GNAI1: variants seen among roughly 807,000 people sequenced by gnomAD.
The protein encoded by GNAI1 is guanine nucleotide-binding protein G(i) subunit alpha-1.
GNAI1 carries 11 observed loss-of-function variants against 38.9 expected under a neutral mutation model. The ratio of observed to expected loss-of-function variants is 0.28; its 90% CI spans 0.18 to 0.47. The LOEUF (loss-of-function observed/expected upper bound fraction) is 0.47. GNAI1 is among the 20% of genes least tolerant of loss of function. The pLI is 0.99. For missense variants in GNAI1, 317 were observed against 436.9 expected, an observed-to-expected ratio of 0.73 and a Z score of 2.45; for synonymous variants, 166 against 145.1, an observed-to-expected ratio of 1.14 and a Z score of -1.04.
chr7:80,139,991 T>C (rs1372734850), intron 1 of GNAI1, among the ~76,000 whole-genome samples: 1 of 150,690 alleles, frequency 6.6e-6, no homozygotes, highest in Non-Finnish European at 1.5e-5. Flanking sequence ...TTTTTTTTTT[T>C]TTCCTTTTTT....
chr7:80,201,117 AT>A, intron 4 of GNAI1, among the ~76,000 whole-genome samples: 1 of 152,350 alleles, frequency 6.6e-6, no homozygotes, highest in Non-Finnish European at 1.5e-5. Context: ...TAATGAATGA[AT>A]TCATAAACCA....
intron 1 of GNAI1, among the ~76,000 whole-genome samples, chr7:80,140,174 C>T (rs980912837): frequency 2.6e-5 from 4 of 151,964 alleles, no homozygotes; most frequent in African/African-American, 7.2e-5. Context: ...GTAGTAGAGA[C>T]GGGGTTTCAC....
intron 5 of GNAI1, among the ~76,000 whole-genome samples, chr7:80,206,073 T>C (rs1339834355): frequency 6.6e-6 from 1 of 152,116 alleles, no homozygotes; most frequent in African/African-American, 2.4e-5. Flanking sequence ...CACTGTTAAA[T>C]TATATGCAAC....
At chr7:80,183,823 G>C (rs2115611876) in intron 1 of GNAI1, among the ~76,000 whole-genome samples, 1 of 152,180 alleles carries the variant, frequency 6.6e-6, no homozygotes, top group East Asian at 1.9e-4. Context: ...TCTAGCAAAG[G>C]GTTACCTTAT....
chr7:80,148,597 C>T (rs916989081), intron 1 of GNAI1, among the ~76,000 whole-genome samples: 4 of 151,962 alleles, frequency 2.6e-5, no homozygotes, highest in Middle Eastern at 3.5e-3. Flanking sequence ...AGCAACTTAA[C>T]TTTTAAAAAT....
rs1354764009 is a variant in GNAI1 at position 80,203,618 on chromosome 7, A to T, written c.462-86A>T. 8.9e-6 allele frequency: 7 copies of T among 785,220 alleles called. No homozygotes were observed. The Admixed American group carries it at 1.4e-4, about 16-fold the overall frequency. The allele number at this position is 785,220 out of a possible 1,614,324, so 48.6% of individuals were successfully genotyped here. A position where few individuals can be genotyped will look rare whatever the true frequency, so the allele number is the denominator to read the frequency against. On this transcript the variant is annotated intron_variant, in intron 4 of 7. Coordinates refer to ENST00000649796, the MANE Select transcript of GNAI1 (RefSeq NM_002069.6). ...TTAGTGATTTCAGATTATCGCTTGT[A>T]TTGAAATGTGTTTTAATTTTTGTTT... is the stretch of plus-strand genomic sequence containing the variant.
At chr7:80,216,231 A>G (rs909052189) in intron 7 of GNAI1, among the ~76,000 whole-genome samples, 1 of 150,960 alleles carries the variant, frequency 6.6e-6, no homozygotes, top group Non-Finnish European at 1.5e-5. Context: ...TTAATGTACC[A>G]GTATCCACCA....
At chr7:80,142,470 T>G (rs2116075087) in intron 1 of GNAI1, among the ~76,000 whole-genome samples, 1 of 152,304 alleles carries the variant, frequency 6.6e-6, no homozygotes, top group East Asian at 1.9e-4. Flanking sequence ...TCGTCTCCCT[T>G]CCTACTAATA....
At chr7:80,173,396 C>A (rs1286694437) in intron 1 of GNAI1, among the ~76,000 whole-genome samples, 1 of 152,082 alleles carries the variant, frequency 6.6e-6, no homozygotes, top group Admixed American at 6.5e-5. Context: ...TTAATTTATC[C>A]TGTACACAGC....
intron 1 of GNAI1, among the ~76,000 whole-genome samples, chr7:80,137,303 TTTTC>T (rs1562819546): frequency 2.8e-5 from 1 of 35,568 alleles, no homozygotes; most frequent in African/African-American, 6.3e-5. Context: ...CTTTTTTTTT[TTTTC>T]TTTTCTTTTC....
At chr7:80,202,370 C>A (rs1035003870) in intron 4 of GNAI1, among the ~76,000 whole-genome samples, 3 of 152,094 alleles carry the variant, frequency 2.0e-5, no homozygotes, top group African/African-American at 4.8e-5. Flanking sequence ...TTACAGGCGC[C>A]AGCCACCACG....
rs561725866 is a variant in GNAI1 at position 80,152,391 on chromosome 7, A to G, written c.118+17113A>G. On this transcript the variant is annotated intron_variant, in intron 1 of 7. Coordinates refer to ENST00000649796, the MANE Select transcript of GNAI1 (RefSeq NM_002069.6). ...TTATGTTGCAAGAATTAATAACTAC[A>G]ACACCATTATTAACTGATATACCCA... 3.2e-4 allele frequency among the ~76,000 whole-genome samples: 48 copies of G among 152,308 alleles called. No homozygotes were observed. In the South Asian group the frequency reaches 9.7e-3, roughly 31 times the overall value.
Position 80,220,334 on chromosome 7 carries a change from T to C in GNAI1, c.*2841T>C, listed in dbSNP as rs117189388. Reference sequence around the variant, plus strand: ...TTTTATTAGCACTTTTAAAATGGTGTGTAAAATGTATTGGCACTTTTAAAT... The same window carrying C: ...TTTTATTAGCACTTTTAAAATGGTGCGTAAAATGTATTGGCACTTTTAAAT... On this transcript the variant is annotated 3_prime_UTR_variant, in exon 8 of 8. Coordinates refer to ENST00000649796, the MANE Select transcript of GNAI1 (RefSeq NM_002069.6). Among the ~76,000 whole-genome samples the C allele has an allele frequency of 8.8e-4, 134 of 152,368 alleles. No individual in the cohort carries two copies. In the East Asian group the frequency reaches 0.022, roughly 25 times the overall value.
chr7:80,148,140 T>G (rs1787660230), intron 1 of GNAI1, among the ~76,000 whole-genome samples: 1 of 152,318 alleles, frequency 6.6e-6, no homozygotes, highest in East Asian at 1.9e-4. Flanking sequence ...GAATGCAGTT[T>G]ATAGGTCAGG....
At chr7:80,214,005 G>A (rs1457854272) in intron 7 of GNAI1, among the ~76,000 whole-genome samples, 1 of 152,082 alleles carries the variant, frequency 6.6e-6, no homozygotes, top group South Asian at 2.1e-4. Flanking sequence ...ATACAAATGA[G>A]AATACCGGGG....
At chr7:80,184,926 G>A (rs1301467415) in intron 1 of GNAI1, among the ~76,000 whole-genome samples, 1 of 152,166 alleles carries the variant, frequency 6.6e-6, no homozygotes, top group Non-Finnish European at 1.5e-5. Flanking sequence ...TTGACTGATA[G>A]TTCCTGTGCC....
intron 1 of GNAI1, among the ~76,000 whole-genome samples, chr7:80,166,604 A>G (rs978621424): frequency 1.3e-5 from 2 of 152,174 alleles, no homozygotes; most frequent in Non-Finnish European, 2.9e-5. Context: ...GATTACTCAC[A>G]TTCAATTTAT....
intron 1 of GNAI1, among the ~76,000 whole-genome samples, chr7:80,137,317 C>CTTTTTTTTTTTTTTTTTTTTTTT (rs398005254): frequency 1.9e-5 from 1 of 53,996 alleles, no homozygotes; most frequent in Non-Finnish European, 3.4e-5. Flanking sequence ...CTTTTCTTTT[C>CTTTTTTTTTTTTTTTTTTTTTTT]TTTTTTTTTT....
chr7:80,220,702 A>G lies in GNAI1; in HGVS notation c.*3209A>G, dbSNP rs1380868439. ...TACTGATTAAAATCCATATGTTCTC[A>G]TTGAATACTGACAGTAACTAGAGAT... On this transcript the variant is annotated 3_prime_UTR_variant, in exon 8 of 8. Coordinates refer to ENST00000649796, the MANE Select transcript of GNAI1 (RefSeq NM_002069.6). 1.3e-5 allele frequency among the ~76,000 whole-genome samples: 2 copies of G among 152,222 alleles called. No individual in the cohort carries two copies. The highest frequency in any genetic ancestry group is 2.9e-5 in the Non-Finnish European group (2 of 68,034).
Sources: allele counts gnomAD v4.1 joint callset (sites outside exome capture counted in the v4.1 genomes callset), GRCh38; gene constraint gnomAD v4.1.1; transcripts MANE v1.5; gene names NCBI Gene and HGNC (gene_info 2026-07-23, HGNC 2026-07-21).